Variants in AOPEP observed in about 807,000 individuals in gnomAD.
AOPEP encodes the protein aminopeptidase O.
In AOPEP, 77 loss-of-function variants were observed where a neutral mutation model predicts 98.1. The observed-to-expected ratio is 0.78, with a 90% confidence interval of 0.65 to 0.95. The LOEUF (loss-of-function observed/expected upper bound fraction) is 0.95. Among genes scored for constraint, AOPEP ranks in the 40% least tolerant of loss-of-function variants. The probability of loss-of-function intolerance (pLI) is 0.00; values close to 1 mark genes in which losing one functional copy is unlikely to be tolerated. For missense variants in AOPEP, 1,024 were observed against 1,024.7 expected, an observed-to-expected ratio of 1.00 and a Z score of 0.01; for synonymous variants, 346 against 365.3, an observed-to-expected ratio of 0.95 and a Z score of 0.60.
intron 13 of AOPEP, among the ~76,000 whole-genome samples, chr9:95,030,019 T>C (rs1019050902): frequency 6.6e-6 from 1 of 152,232 alleles, no homozygotes; most frequent in African/African-American, 2.4e-5. Context: ...TGTTTTCTGG[T>C]GTGATACCTT....
At chr9:95,012,822 A>C (rs1220825220) in intron 13 of AOPEP, among the ~76,000 whole-genome samples, 1 of 152,156 alleles carries the variant, frequency 6.6e-6, no homozygotes, top group Non-Finnish European at 1.5e-5. Flanking sequence ...TGAATGAATT[A>C]AATGAATGAA....
At chr9:95,112,065 G>A in the AOPEP span, among the ~76,000 whole-genome samples, 1 of 152,354 alleles carries the variant, frequency 6.6e-6, no homozygotes, top group East Asian at 1.9e-4. Context: ...GCAAAGTTCA[G>A]GTGGATATTT....
At chr9:94,910,650 T>G (rs1292504475) in intron 5 of AOPEP, among the ~76,000 whole-genome samples, 3 of 152,202 alleles carry the variant, frequency 2.0e-5, no homozygotes, top group Non-Finnish European at 4.4e-5. Flanking sequence ...GCAGGACGTC[T>G]TTTGCCCCAG....
chr9:95,083,023 A>G (rs1443461035), intron 16 of AOPEP: 2 of 292,764 alleles, frequency 6.8e-6, no homozygotes, highest in African/African-American at 2.2e-5. Context: ...TGTTGAAACA[A>G]AAATTGTGGG....
Position 94,745,960 on chromosome 9 carries a change from G to A in AOPEP, c.-135-13689G>A, listed in dbSNP as rs571981663. Among the ~76,000 whole-genome samples, 191 of 152,306 alleles carry A rather than the reference G, an allele frequency of 1.3e-3. 1 individual carries two copies. Among genetic ancestry groups the A allele is most frequent in the Non-Finnish European group, 8.7e-4 (59 of 68,018 alleles). Reference sequence around the variant, plus strand: ...GAACCTCCATACTGTACTTCATAGTGGTTGTGCTAATTTACATTCCCACCA... The same window carrying A: ...GAACCTCCATACTGTACTTCATAGTAGTTGTGCTAATTTACATTCCCACCA... On this transcript the variant is annotated intron_variant, in intron 1 of 16. Coordinates refer to ENST00000375315, the MANE Select transcript of AOPEP (RefSeq NM_001193329.3).
At chr9:94,790,451 C>T (rs910052812) in intron 3 of AOPEP, among the ~76,000 whole-genome samples, 3 of 152,116 alleles carry the variant, frequency 2.0e-5, no homozygotes, top group African/African-American at 7.2e-5. Context: ...ACAGCCACCA[C>T]TCCCGGCCTA....
At chr9:94,868,440 C>G (rs1027621390) in intron 5 of AOPEP, among the ~76,000 whole-genome samples, 2 of 152,194 alleles carry the variant, frequency 1.3e-5, no homozygotes, top group African/African-American at 4.8e-5. Flanking sequence ...TCACCGAATT[C>G]CCGTGCATTG....
At chr9:95,107,580 G>A in the AOPEP span, 1 of 473,394 alleles carries the variant, frequency 2.1e-6, no homozygotes, top group South Asian at 2.3e-5. Context: ...TTATATTGTG[G>A]GAAAAAGAAC....
At chr9:94,776,315 T>G (rs1304145386) in intron 3 of AOPEP, among the ~76,000 whole-genome samples, 1 of 152,160 alleles carries the variant, frequency 6.6e-6, no homozygotes, top group Non-Finnish European at 1.5e-5. Flanking sequence ...TATTATTTGT[T>G]TTTTGGAGAC....
intron 1 of AOPEP, among the ~76,000 whole-genome samples, chr9:94,743,253 GGAAGAAGAA>G (rs139005545): frequency 1.5e-5 from 2 of 129,614 alleles, no homozygotes; most frequent in Non-Finnish European, 3.3e-5. Context: ...AGGAAGAAGA[GGAAGAAGAA>G]GAAGAAGAAG....
At chr9:94,854,310 G>T (rs2043920694) in intron 5 of AOPEP, among the ~76,000 whole-genome samples, 1 of 152,190 alleles carries the variant, frequency 6.6e-6, no homozygotes, top group East Asian at 1.9e-4. Context: ...TCATGTACTG[G>T]AGGCAAAGGT....
chr9:94,973,692 C>T (rs1392934216), intron 10 of AOPEP, among the ~76,000 whole-genome samples: 4 of 152,232 alleles, frequency 2.6e-5, no homozygotes, highest in South Asian at 2.1e-4. Flanking sequence ...AGTACTGAGG[C>T]GGAAAGTCCG....
At chr9:94,805,608 A>G (rs1423653804) in intron 5 of AOPEP, among the ~76,000 whole-genome samples, 1 of 152,138 alleles carries the variant, frequency 6.6e-6, no homozygotes, top group Non-Finnish European at 1.5e-5. Context: ...ATGAGGAAAA[A>G]CTATAAAGCT....
chr9:95,023,237 C>T (rs2063596375), intron 13 of AOPEP, among the ~76,000 whole-genome samples: 1 of 152,166 alleles, frequency 6.6e-6, no homozygotes, highest in Non-Finnish European at 1.5e-5. Context: ...GTTATGGGAA[C>T]AGAAGATGTT....
At chr9:94,840,791 A>G (rs1221026618) in intron 5 of AOPEP, among the ~76,000 whole-genome samples, 1 of 151,878 alleles carries the variant, frequency 6.6e-6, no homozygotes, top group African/African-American at 2.4e-5. Flanking sequence ...AGAGTTGTTC[A>G]TTGTATTCCC....
the AOPEP span, chr9:95,149,974 T>C: frequency 1.9e-6 from 3 of 1,612,708 alleles, no homozygotes; most frequent in Non-Finnish European, 2.5e-6. Context: ...GAGGATTTCC[T>C]GAGGTTCACG....
chr9:95,033,366 C>G (rs2064494351), intron 13 of AOPEP, among the ~76,000 whole-genome samples: 1 of 152,154 alleles, frequency 6.6e-6, no homozygotes, highest in South Asian at 2.1e-4. Context: ...TTCCTTCCTT[C>G]CAGCAAAATG....
intron 5 of AOPEP, among the ~76,000 whole-genome samples, chr9:94,918,748 G>A (rs766125832): frequency 2.0e-5 from 3 of 152,206 alleles, no homozygotes; most frequent in Non-Finnish European, 4.4e-5. Context: ...TGCCTGGCAC[G>A]TAGCAAACAC....
intron 16 of AOPEP, among the ~76,000 whole-genome samples, chr9:95,083,337 C>T (rs951180218): frequency 2.7e-5 from 4 of 150,712 alleles, no homozygotes; most frequent in Admixed American, 6.6e-5. Context: ...AGAGCACGCA[C>T]AGCACACACC....
Sources: allele counts gnomAD v4.1 joint callset (sites outside exome capture counted in the v4.1 genomes callset), GRCh38; gene constraint gnomAD v4.1.1; transcripts MANE v1.5; gene names NCBI Gene and HGNC (gene_info 2026-07-23, HGNC 2026-07-21).